ASCC3: variants seen among roughly 807,000 people sequenced by gnomAD.
ASCC3 encodes activating signal cointegrator 1 complex subunit 3, also known as ASC-1 complex subunit P200.
In ASCC3, 158 loss-of-function variants were observed where a neutral mutation model predicts 256.3. The observed-to-expected ratio is 0.62, with a 90% CI of 0.54 to 0.70. ASCC3 has a LOEUF of 0.70. Among genes scored for constraint, ASCC3 ranks in the 30% least tolerant of loss-of-function variants. The probability of loss-of-function intolerance (pLI) is 0.00; values close to 1 mark genes in which losing one functional copy is unlikely to be tolerated. For synonymous variants in ASCC3, 948 were observed against 883.4 expected (o/e 1.07, Z -1.30); for missense variants, 2,259 against 2,626.0 (o/e 0.86, Z 3.05).
intron 34 of ASCC3, among the ~76,000 whole-genome samples, chr6:100,596,534 T>G (rs1772308792): frequency 6.6e-6 from 1 of 152,202 alleles, no homozygotes; most frequent in Admixed American, 6.5e-5. Flanking sequence ...ATTGTGTTTG[T>G]TACCAATATG....
intron 1 of ASCC3, among the ~76,000 whole-genome samples, chr6:100,879,988 C>A (rs1251295620): frequency 6.6e-6 from 1 of 152,184 alleles, no homozygotes; most frequent in East Asian, 1.9e-4. Context: ...AGTTCATGAG[C>A]ACAGAGACTG....
chr6:100,788,609 C>T (rs933184549), intron 8 of ASCC3, among the ~76,000 whole-genome samples: 56 of 151,392 alleles, frequency 3.7e-4, no homozygotes, highest in Non-Finnish European at 5.0e-4. Flanking sequence ...AAATGTAATA[C>T]GTTTCAGCCA....
chr6:100,875,638 A>G (rs538186235), intron 1 of ASCC3, among the ~76,000 whole-genome samples: 3 of 152,306 alleles, frequency 2.0e-5, no homozygotes, highest in African/African-American at 7.2e-5. Context: ...GGAAGTAGAC[A>G]GTAGAGAGTT....
In ASCC3 at chr6:100,638,719, A is replaced by C; in HGVS notation, c.4004T>G (p.Phe1335Cys). The C allele has an allele frequency of 6.2e-7, 1 of 1,614,092 alleles. No homozygotes were observed. The highest frequency in any genetic ancestry group is 8.5e-7 in the Non-Finnish European group (1 of 1,179,956). The change falls in exon 25 of 42, where the codon TTT becomes TGT. Residue 1335 changes from phenylalanine to cysteine, a missense_variant. Phe to Cys is a radical substitution (Grantham distance 205). Around this residue, in one of 2 missense-constraint regions of ASCC3, gnomAD observed 1,839 missense variants for 2,206.7 expected, o/e 0.83. Coordinates refer to ENST00000369162, the MANE Select transcript of ASCC3 (RefSeq NM_006828.4). ...SHFNPVQTQI[F>C]HTLYHTDCNV... Reference sequence around the variant, plus strand: ...ACAATCCGTGTGATACAATGTATGAAATATTTGTGTCTGTACAGGGTTAAA... The same window carrying C: ...ACAATCCGTGTGATACAATGTATGACATATTTGTGTCTGTACAGGGTTAAA...
At position 100,642,732 on chromosome 6, in the gene ASCC3, G is replaced by A. The variant is rs34025918; in HGVS notation, c.3750C>T (p.Ala1250=). 6.2e-7 allele frequency: 1 copy of A among 1,613,136 alleles called. No individual in the cohort carries two copies. The highest frequency in any genetic ancestry group is 1.3e-5 in the African/African-American group (1 of 74,820). ...TAGGGATTGTAAATACCAGTAGTTG[G>A]GCTTCTTTACTAATGACCTAATATG... ...ALKKQVISKE[A]QLLVFTIPIF... is the part of the protein sequence containing the mutation. Residue 1250 remains alanine (A), a synonymous_variant, in exon 24 of 42, where the codon GCC becomes GCT. Transcript: ENST00000369162.
chr6:100,842,774 C>T (rs1380427705), intron 4 of ASCC3, among the ~76,000 whole-genome samples: 9 of 152,048 alleles, frequency 5.9e-5, no homozygotes, highest in Non-Finnish European at 1.3e-4. Flanking sequence ...AATTCATGAC[C>T]AGTCAGGACA....
chr6:100,665,318 G>A (rs954195554), intron 14 of ASCC3, among the ~76,000 whole-genome samples: 1 of 151,934 alleles, frequency 6.6e-6, no homozygotes, highest in Non-Finnish European at 1.5e-5. Context: ...TTTTTTATTG[G>A]TTCATTACAG....
chr6:100,813,059 T>A (rs1770557328), intron 4 of ASCC3, among the ~76,000 whole-genome samples: 1 of 151,996 alleles, frequency 6.6e-6, no homozygotes, highest in Non-Finnish European at 1.5e-5. Flanking sequence ...ATACACATAA[T>A]AAGCATACCC....
rs761595633 is a variant in ASCC3, at chr6:100,601,759, T to C, written c.5303+51A>G. 26 of 1,598,762 alleles carry C rather than the reference T, an allele frequency of 1.6e-5. No individual in the cohort carries two copies. In the South Asian group the frequency reaches 2.2e-4, roughly 14 times the overall value. Reference sequence around the variant, plus strand: ...ATTTGGAGTTTATTACTTTCAAATATGTCTTATTTCGGGGCAAAACAGAAA... The same window carrying C: ...ATTTGGAGTTTATTACTTTCAAATACGTCTTATTTCGGGGCAAAACAGAAA... On this transcript the variant is annotated intron_variant, in intron 34 of 41. Transcript: ENST00000369162.
chr6:100,592,101 G>C (rs1310801191), intron 34 of ASCC3, among the ~76,000 whole-genome samples: 2 of 148,970 alleles, frequency 1.3e-5, no homozygotes, highest in East Asian at 3.9e-4. Context: ...ATAAAATATA[G>C]TCAGGGTAAA....
rs762411144 is a variant in ASCC3 at position 100,715,476 on chromosome 6, T to C, written c.2137A>G (p.Lys713Glu). The C allele has an allele frequency of 3.7e-6, 6 of 1,611,284 alleles. No individual in the cohort carries two copies. In the East Asian group the frequency reaches 9.0e-5, roughly 24 times the overall value. Residue 713 changes from lysine (K) to glutamate (E), a missense_variant, in exon 13 of 42, where the codon AAG (lysine) becomes GAG (glutamate). This residue lies in a region of ASCC3 where 1,839 missense variants were observed against 2,206.7 expected (regional missense o/e 0.83). Coordinates refer to ENST00000369162, the MANE Select transcript of ASCC3 (RefSeq NM_006828.4). Reference sequence around the variant, plus strand: ...AATAAGTGTACCTGGTGTCCAGCCTTTACTTGCTTCAAAACATTTTCATAA... The same window carrying C: ...AATAAGTGTACCTGGTGTCCAGCCTCTACTTGCTTCAAAACATTTTCATAA... Reference protein sequence around the residue: ...VCYENVLKQVKAGHQVMVFVH... With the variant: ...VCYENVLKQVEAGHQVMVFVH...
chr6:100,616,877 G>C (rs1192676411), intron 30 of ASCC3, among the ~76,000 whole-genome samples: 1 of 152,160 alleles, frequency 6.6e-6, no homozygotes, highest in African/African-American at 2.4e-5. Flanking sequence ...GGTGTTGAGG[G>C]AAATAATGTA....
rs79268623 is a variant in ASCC3 at position 100,560,108 on chromosome 6, T to C, written c.5551-19721A>G. 7.2e-3 allele frequency among the ~76,000 whole-genome samples: 1,096 copies of C among 152,300 alleles called. 11 individuals carry two copies. Among genetic ancestry groups the C allele is most frequent in the African/African-American group, 0.025 (1,054 of 41,568 alleles). On this transcript the variant is annotated intron_variant, in intron 36 of 41. Transcript: ENST00000369162. Reference sequence around the variant, plus strand: ...ATGTCTTTCTGGTAATATATGTAAGTGGATATACTTTGGACATCTAACTTA... The same window carrying C: ...ATGTCTTTCTGGTAATATATGTAAGCGGATATACTTTGGACATCTAACTTA...
intron 17 of ASCC3, among the ~76,000 whole-genome samples, 179 bp downstream of exon 17, chr6:100,655,520 T>C (rs955211938): frequency 1.3e-5 from 2 of 151,824 alleles, no homozygotes; most frequent in African/African-American, 2.4e-5. Flanking sequence ...TATTTAAATA[T>C]AGCCTGCCTA....
At chr6:100,806,997 A>T (rs938700585) in intron 4 of ASCC3, among the ~76,000 whole-genome samples, 3 of 151,852 alleles carry the variant, frequency 2.0e-5, no homozygotes, top group African/African-American at 7.2e-5. Context: ...AATTTACACA[A>T]ATTGGCCAAA....
chr6:100,612,479 A>C (rs994682326), intron 30 of ASCC3, among the ~76,000 whole-genome samples: 2 of 152,086 alleles, frequency 1.3e-5, no homozygotes, highest in African/African-American at 4.8e-5. Flanking sequence ...TCAGACTCAG[A>C]CCATATGCCA....
intron 15 of ASCC3, 78 bp from the exon 16 acceptor site, chr6:100,662,108 G>A: frequency 7.3e-7 from 1 of 1,372,124 alleles, no homozygotes; most frequent in Non-Finnish European, 1.0e-6. Context: ...CTGAAATTAG[G>A]CAAATATGGC....
chr6:100,625,912 A>T (rs1007762792), intron 29 of ASCC3, among the ~76,000 whole-genome samples: 6 of 151,852 alleles, frequency 4.0e-5, no homozygotes, highest in Non-Finnish European at 7.4e-5. Context: ...ATTTTTTTTT[A>T]AAAGCATATG....
intron 36 of ASCC3, among the ~76,000 whole-genome samples, chr6:100,574,280 T>G (rs1438433722): frequency 1.3e-5 from 2 of 152,162 alleles, no homozygotes; most frequent in East Asian, 3.8e-4. Context: ...GGTGCAACCT[T>G]TTTATGTACC....
Sources: gnomAD v4.1 joint callset for allele counts (sites outside exome capture counted in the v4.1 genomes callset) on GRCh38, gnomAD v4.1.1 for gene constraint, gnomAD v4.1.1 regional missense constraint, MANE v1.5 for transcripts, NCBI Gene and HGNC (gene_info 2026-07-23, HGNC 2026-07-21) for gene names.